COL17A1: variants seen among roughly 807,000 people sequenced by gnomAD.
COL17A1 encodes collagen alpha-1(XVII) chain.
A neutral mutation model predicts 218.4 loss-of-function variants in COL17A1; 181 were observed. The observed-to-expected ratio is 0.83, with a 90% CI of 0.73 to 0.94. COL17A1 has a LOEUF of 0.94. COL17A1 is among the 40% of genes least tolerant of loss of function. COL17A1 has a pLI of 0.00. For missense variants in COL17A1, 1,924 were observed against 1,945.9 expected, an observed-to-expected ratio of 0.99 and a Z score of 0.21; for synonymous variants, 721 against 731.0, an observed-to-expected ratio of 0.99 and a Z score of 0.22.
At chr10:104,068,165 C>T (rs1290124445) in intron 9 of COL17A1, among the ~76,000 whole-genome samples, 1 of 152,044 alleles carries the variant, frequency 6.6e-6, no homozygotes, top group African/African-American at 2.4e-5. Context: ...AAACTAATTC[C>T]CAGATTTTAA....
chr10:104,070,368 GT>G, intron 9 of COL17A1, 57 bp downstream of exon 9: 1 of 1,609,670 alleles, frequency 6.2e-7, no homozygotes, highest in Non-Finnish European at 8.5e-7. Flanking sequence ...CACTCTTTGG[GT>G]TTGGATGGGT....
At chr10:104,050,824 C>T (rs1770500328) in intron 26 of COL17A1, 24 bp downstream of exon 26, 2 of 1,614,116 alleles carry the variant, frequency 1.2e-6, no homozygotes. Context: ...CCTCACTGTC[C>T]CCCCAGGCCT....
Position 104,049,410 on chromosome 10 carries a change from C to T in COL17A1, c.2226G>A (p.Met742Ile), listed in dbSNP as rs1186465162. ...AATCCATTCCTTTGGAACACTTACC[C>T]ATTGCTCCTTTAGCCCCGGGCTCAC... ...AVGEPGAKGA[M>I]GPAGPDGHQG... The change falls in exon 29 of 56, where the codon ATG becomes ATA. Residue 742 changes from methionine (M) to isoleucine (I), a missense_variant and splice_region_variant. Met to Ile is a conservative substitution (Grantham distance 10, BLOSUM62 1). Transcript: ENST00000648076. 3.1e-6 allele frequency: 5 copies of T among 1,613,954 alleles called. No homozygotes were observed. The highest frequency in any genetic ancestry group is 1.3e-5 in the African/African-American group (1 of 74,944).
chr10:104,039,201 G>GGTT, intron 43 of COL17A1, 80 bp from the exon 44 acceptor site: 1 of 1,415,382 alleles, frequency 7.1e-7, no homozygotes, highest in Non-Finnish European at 1.0e-6. Context: ...TTATTAGTGT[G>GGTT]TGTCTCAACA....
intron 23 of COL17A1, 32 bp from the exon 24 acceptor site, chr10:104,052,249 G>A (rs761031373): frequency 7.0e-5 from 113 of 1,613,820 alleles, no homozygotes; most frequent in Non-Finnish European, 8.9e-5. Context: ...AGCACTTTGG[G>A]AGAGGCCCCA....
intron 7 of COL17A1, among the ~76,000 whole-genome samples, chr10:104,072,786 T>C (rs1006743998): frequency 1.8e-4 from 27 of 152,228 alleles, no homozygotes; most frequent in East Asian, 1.9e-4. Flanking sequence ...AAAACTGTCA[T>C]GGAGCTGTTT....
chr10:104,035,778 C>CTG (rs747006742), intron 48 of COL17A1, among the ~76,000 whole-genome samples: 21 of 67,126 alleles, frequency 3.1e-4, no homozygotes, highest in Admixed American at 1.5e-3. Flanking sequence ...GTGCTTCATT[C>CTG]TGTGTGTGTG....
intron 24 of COL17A1, 65 bp from the exon 25 acceptor site, chr10:104,051,581 GT>G: frequency 6.3e-7 from 1 of 1,596,458 alleles, no homozygotes; most frequent in Non-Finnish European, 8.6e-7. Context: ...TCTGGCCCCG[GT>G]GCAGGGCAGG....
intron 49 of COL17A1, 21 bp downstream of exon 49, chr10:104,035,453 A>G (rs764825393): frequency 6.2e-7 from 1 of 1,613,720 alleles, no homozygotes; most frequent in Non-Finnish European, 8.5e-7. Context: ...AGTTGGACAG[A>G]TGTCCCCTGC....
chr10:104,060,411 C>T, intron 13 of COL17A1, 131 bp from the exon 14 acceptor site: 1 of 1,337,426 alleles, frequency 7.5e-7, no homozygotes, highest in Non-Finnish European at 1.0e-6. Context: ...GTATGAGGGT[C>T]TCTTGTTCTT....
intron 36 of COL17A1, 22 bp from the exon 37 acceptor site, chr10:104,041,560 A>C: frequency 6.2e-7 from 1 of 1,607,858 alleles, no homozygotes. Flanking sequence ...AGAAAATAGA[A>C]ATGAGCAAAA....
intron 1 of COL17A1, among the ~76,000 whole-genome samples, chr10:104,083,851 C>G (rs1480695179): frequency 1.3e-5 from 2 of 152,320 alleles, no homozygotes; most frequent in East Asian, 1.9e-4. Flanking sequence ...AACAAATGTT[C>G]CTATACTCTG....
rs558259138 is a variant in COL17A1 at position 104,046,637 on chromosome 10, G to A, written c.2362+110C>T. 4.9e-6 allele frequency: 5 copies of A among 1,016,844 alleles called. No homozygotes were observed. The African/African-American group carries it at 6.3e-5, about 13-fold the overall frequency. The allele number at this position is 1,016,844 out of a possible 1,614,324, so 63.0% of individuals were successfully genotyped here. A position where few individuals can be genotyped will look rare whatever the true frequency, so the allele number is the denominator to read the frequency against. On this transcript the variant is annotated intron_variant, in intron 32 of 55. Coordinates refer to ENST00000648076, the MANE Select transcript of COL17A1 (RefSeq NM_000494.4). Reference sequence around the variant, plus strand: ...CATAGTGAAAGGGAGTGTGTGCCAGGGAGTTGGTGGAGGAGAGGAAACTCT... The same window carrying A: ...CATAGTGAAAGGGAGTGTGTGCCAGAGAGTTGGTGGAGGAGAGGAAACTCT...
chr10:104,070,185 T>G (rs2086657870), intron 9 of COL17A1, among the ~76,000 whole-genome samples: 1 of 152,188 alleles, frequency 6.6e-6, no homozygotes, highest in Admixed American at 6.5e-5. Flanking sequence ...ATTCAATGCC[T>G]GCTGAGTCTT....
chr10:104,039,106 G>C lies in COL17A1; in HGVS notation c.2912C>G (p.Pro971Arg). 5.0e-6 allele frequency: 8 copies of C among 1,614,092 alleles called. No homozygotes were observed. Among genetic ancestry groups the C allele is most frequent in the Non-Finnish European group, 6.8e-6 (8 of 1,179,976 alleles). Residue 971 changes from proline (P) to arginine (R), a missense_variant, in exon 44 of 56, where the codon CCA (proline) becomes CGA (arginine). Pro to Arg is a moderately radical substitution (Grantham distance 103). Transcript: ENST00000648076. Reference sequence around the variant, plus strand: ...ACCACTAGGAATGCCAAGAGCCCCTGGAACACCTGGATCACCTGGAATCCA... The same window carrying C: ...ACCACTAGGAATGCCAAGAGCCCCTCGAACACCTGGATCACCTGGAATCCA... ...PKGDKGDPGV[P>R]GALGIPSGPS... is the part of the protein sequence containing the mutation.
chr10:104,058,285 A>G, intron 15 of COL17A1, 95 bp from the exon 16 acceptor site: 1 of 1,546,210 alleles, frequency 6.5e-7, no homozygotes, highest in Non-Finnish European at 8.9e-7. Flanking sequence ...TTACTTTCTT[A>G]ATAAACTTGC....
chr10:104,059,488 G>A (rs1667009572), intron 15 of COL17A1, 150 bp downstream of exon 15: 2 of 734,160 alleles, frequency 2.7e-6, no homozygotes, highest in South Asian at 3.0e-5. Flanking sequence ...CTGAGCTAGG[G>A]CTGGGATCCT....
chr10:104,043,781 A>G (rs374410360), intron 34 of COL17A1, 44 bp downstream of exon 34: 9 of 1,610,836 alleles, frequency 5.6e-6, no homozygotes, highest in Non-Finnish European at 6.8e-6. Context: ...GGTGCCCAGT[A>G]TAAGAAAGAC....
intron 5 of COL17A1, among the ~76,000 whole-genome samples, chr10:104,075,202 G>C (rs1340772563): frequency 6.6e-6 from 1 of 151,622 alleles, no homozygotes; most frequent in South Asian, 2.1e-4. Flanking sequence ...ACCTCTTTGC[G>C]AATGGCTTCC....
Sources: gnomAD v4.1 joint callset for allele counts (sites outside exome capture counted in the v4.1 genomes callset) on GRCh38, gnomAD v4.1.1 for gene constraint, MANE v1.5 for transcripts, NCBI Gene and HGNC (gene_info 2026-07-23, HGNC 2026-07-21) for gene names.